Variants in PITPNM2 observed in about 807,000 individuals in gnomAD.
PITPNM2 encodes membrane-associated phosphatidylinositol transfer protein 2.
In PITPNM2, 35 loss-of-function variants were observed where a neutral mutation model predicts 132.2. The observed-to-expected ratio is 0.26, with a 90% CI of 0.20 to 0.35. The LOEUF (loss-of-function observed/expected upper bound fraction) is 0.35. Ranked by LOEUF, PITPNM2 falls within the 10% of genes least tolerant of loss-of-function variation. The pLI is 1.00. For missense variants in PITPNM2, 1,332 were observed against 1,912.0 expected (o/e 0.70, Z 5.66); for synonymous variants, 738 against 799.2 (o/e 0.92, Z 1.29).
chr12:123,074,855 T>C (rs557800286), intron 2 of PITPNM2, among the ~76,000 whole-genome samples: 1 of 152,322 alleles, frequency 6.6e-6, no homozygotes, highest in East Asian at 1.9e-4. Context: ...GAGGCAGCTC[T>C]TTCCAGAAGT....
intron 14 of PITPNM2, 47 bp from the exon 15 acceptor site, chr12:122,995,026 TCATCTGC>T: frequency 1.3e-6 from 2 of 1,514,102 alleles, no homozygotes; most frequent in South Asian, 2.5e-5. Context: ...GCAGCTGCCA[TCATCTGC>T]CACGACACTG....
rs918434139 is a variant in PITPNM2 at position 123,058,799 on chromosome 12, C to A, written c.-95-24114G>T. On this transcript the variant is annotated intron_variant, in intron 2 of 25. Transcript: ENST00000320201. The surrounding 1 kb of genome is among the most constrained non-coding windows in gnomAD (Gnocchi z 4.0). Reference sequence around the variant, plus strand: ...CTTTTGTGGAAAAAGCCCTTTCCCACGGGGTCCACCTGGAAAATTCTCGAA... The same window carrying A: ...CTTTTGTGGAAAAAGCCCTTTCCCAAGGGGTCCACCTGGAAAATTCTCGAA... Among the ~76,000 whole-genome samples, 1 of 152,188 alleles carries A rather than the reference C, an allele frequency of 6.6e-6. No homozygotes were observed. The highest frequency in any genetic ancestry group is 1.5e-5 in the Non-Finnish European group (1 of 68,030).
chr12:123,002,751 T>G (rs1391826012), intron 8 of PITPNM2, among the ~76,000 whole-genome samples: 1 of 152,188 alleles, frequency 6.6e-6, no homozygotes, highest in Non-Finnish European at 1.5e-5. Flanking sequence ...ATTCATGGGG[T>G]ACACAGTGAT....
chr12:123,050,913 G>T (rs1592974412), intron 2 of PITPNM2, among the ~76,000 whole-genome samples: 2 of 152,312 alleles, frequency 1.3e-5, no homozygotes, highest in Non-Finnish European at 2.9e-5. Context: ...AATTTGGAAA[G>T]CCCCATGGGC....
At chr12:123,121,354 C>A (rs185386660) in intron 1 of PITPNM2, among the ~76,000 whole-genome samples, 3 of 152,306 alleles carry the variant, frequency 2.0e-5, no homozygotes, top group African/African-American at 7.2e-5. Flanking sequence ...GGCAACAGAA[C>A]AAGACCGTGT....
chr12:122,990,797 G>A, intron 16 of PITPNM2, 88 bp from the exon 17 acceptor site: 1 of 1,383,678 alleles, frequency 7.2e-7, no homozygotes, highest in Non-Finnish European at 9.7e-7. Flanking sequence ...AGGGTCCAGT[G>A]TGCACCTAGA....
chr12:122,986,715 G>A lies in PITPNM2; in HGVS notation c.3528C>T (p.Ser1176=). Residue 1176 remains serine (S), a synonymous_variant, in exon 24 of 26, where the codon TCC becomes TCT. Transcript: ENST00000320201. ...AQHNFPHGVV[S]FCDGLVHDPL... ...GGTCATGCACCAGGCCGTCACAGAAGGACACCACGCCATGGGGGAAGTTGT... is the reference window on the plus strand; with the variant it reads ...GGTCATGCACCAGGCCGTCACAGAAAGACACCACGCCATGGGGGAAGTTGT... 1.9e-6 allele frequency: 3 copies of A among 1,613,552 alleles called. No homozygotes were observed. The highest frequency in any genetic ancestry group is 1.3e-5 in the African/African-American group (1 of 75,070).
intron 2 of PITPNM2, among the ~76,000 whole-genome samples, chr12:123,035,537 G>C (rs762497905): frequency 6.6e-6 from 1 of 152,034 alleles, no homozygotes; most frequent in African/African-American, 2.4e-5. Context: ...GTGGTGGCAG[G>C]AGCCTGTGGT....
intron 1 of PITPNM2, among the ~76,000 whole-genome samples, chr12:123,131,813 C>T (rs1009499842): frequency 2.0e-5 from 3 of 152,220 alleles, no homozygotes; most frequent in African/African-American, 7.2e-5. Flanking sequence ...GTGCCAGACA[C>T]AAGGATGAAT....
chr12:123,113,224 G>A (rs899861714), intron 1 of PITPNM2, among the ~76,000 whole-genome samples: 1 of 152,186 alleles, frequency 6.6e-6, no homozygotes, highest in Admixed American at 6.5e-5. Context: ...TCCAGCCTCC[G>A]TTGACATGGC....
intron 1 of PITPNM2, among the ~76,000 whole-genome samples, chr12:123,123,885 G>A (rs1307313610): frequency 1.4e-5 from 2 of 146,814 alleles, no homozygotes; most frequent in Non-Finnish European, 3.0e-5. Context: ...GTAGTGAGTG[G>A]AGATCGCACC....
chr12:123,045,986 G>A (rs1213394604), intron 2 of PITPNM2, among the ~76,000 whole-genome samples: 1 of 152,068 alleles, frequency 6.6e-6, no homozygotes, highest in Non-Finnish European at 1.5e-5. Flanking sequence ...CTTTAGCTCA[G>A]AGAAATTGCC....
intron 1 of PITPNM2, among the ~76,000 whole-genome samples, chr12:123,131,308 C>G (rs2043256825): frequency 6.6e-6 from 1 of 152,100 alleles, no homozygotes; most frequent in Admixed American, 6.6e-5. Flanking sequence ...ACAACTTAGG[C>G]AGAGGTTGGA....
rs1011385310 is a variant in PITPNM2 at position 122,992,500 on chromosome 12, C to T, written c.2403G>A (p.Leu801=). 29 of 1,609,982 alleles carry T rather than the reference C, an allele frequency of 1.8e-5. No individual in the cohort carries two copies. The highest frequency in any genetic ancestry group is 2.0e-5 in the Non-Finnish European group (24 of 1,179,112). The stretch of plus-strand genomic sequence containing the variant: ...AGTGGGGCGGAATGTGCCTCTCACC[C>T]AGCAGCGTGGAGCAGCCATCCCCCA... ...YPLGDGCSTL[L]ADVLQTHNAA... is the part of the protein sequence containing the mutation. The change falls in exon 16 of 26, where the codon CTG becomes CTA. Residue 801 remains leucine (L), a splice_region_variant and synonymous_variant. Transcript: ENST00000320201. This position sits in a 1 kb window ranked among gnomAD's most constrained non-coding sequence, Gnocchi z 6.5.
chr12:123,105,294 C>G (rs1047861236), intron 2 of PITPNM2: 6 of 152,198 alleles, frequency 3.9e-5, no homozygotes, highest in African/African-American at 1.4e-4. Context: ...CCAGGAGGGC[C>G]AGAAGTTTTT....
Position 123,034,409 on chromosome 12 carries a change from G to C in PITPNM2, c.78+104C>G, listed in dbSNP as rs988657596. 3.8e-6 allele frequency: 4 copies of C among 1,049,416 alleles called. 1 individual carries two copies. Among genetic ancestry groups the C allele is most frequent in the Non-Finnish European group, 5.8e-6 (4 of 686,660 alleles). The allele number at this position is 1,049,416 out of a possible 1,614,324, so 65.0% of individuals were successfully genotyped here. A position where few individuals can be genotyped will look rare whatever the true frequency, so the allele number is the denominator to read the frequency against. ...CACTTACCAGGAAGTTCTGGGGCAG[G>C]CACTGCACTGTGAAGGCCACAACTC... On this transcript the variant is annotated intron_variant, in intron 3 of 25. Coordinates refer to ENST00000320201, the MANE Select transcript of PITPNM2 (RefSeq NM_020845.3).
In PITPNM2 at chr12:122,986,282, G is replaced by A. The variant is rs771480234; in HGVS notation, c.3795C>T (p.Arg1265=). The change falls in exon 26 of 26, where the codon CGC becomes CGT. Residue 1265 remains arginine (R), a synonymous_variant. Transcript: ENST00000320201. ...GCAGCGCCATGCGGGTGGCCGTGTT[G>A]CGAGCGGGCCGCGCCCGGTGGCTGT... The part of the protein sequence containing the change: ...LKYSHRARPA[R]NTATRMALRK... The A allele has an allele frequency of 1.0e-5, 16 of 1,583,042 alleles. No individual in the cohort carries two copies. The Admixed American group carries it at 2.9e-4, about 29-fold the overall frequency.
chr12:123,053,590 G>A (rs2040929855), intron 2 of PITPNM2, among the ~76,000 whole-genome samples: 2 of 138,666 alleles, frequency 1.4e-5, no homozygotes, highest in Non-Finnish European at 3.1e-5. Context: ...TTTTTGAGAC[G>A]GAGTTTTGCC....
Position 122,989,880 on chromosome 12 carries a change from T to TGGGGGGGGG in PITPNM2, c.2637_2638insCCCCCCCCC (p.Pro879_Ser880insProProPro). On this transcript the variant is annotated inframe_insertion, in exon 18 of 26. Coordinates refer to ENST00000320201, the MANE Select transcript of PITPNM2 (RefSeq NM_020845.3). ...GGGTGGGGGCCAGGGGTGGTGGGGCTGGGGGCGGGCAGGGCGAGCAGGGAC... is the reference window on the plus strand; with the variant it reads ...GGGTGGGGGCCAGGGGTGGTGGGGCTGGGGGGGGGGGGGGCGGGCAGGGCGAGCAGGGAC... 6 of 160,176 alleles carry TGGGGGGGGG rather than the reference T, an allele frequency of 3.7e-5. No individual in the cohort carries two copies. Among genetic ancestry groups the TGGGGGGGGG allele is most frequent in the Non-Finnish European group, 6.1e-5 (6 of 97,656 alleles). 9.9% of individuals were successfully genotyped at this position (160,176 alleles called of 1,614,324 possible).
Sources: gnomAD v4.1 joint callset for allele counts (sites outside exome capture counted in the v4.1 genomes callset) on GRCh38, gnomAD v4.1.1 for gene constraint, Gnocchi (gnomAD v3.1) non-coding constraint, MANE v1.5 for transcripts, NCBI Gene and HGNC (gene_info 2026-07-23, HGNC 2026-07-21) for gene names.